The following LUZP1 variants were observed in gnomAD, a reference collection of about 807,000 sequenced individuals.
LUZP1 encodes leucine zipper protein 1.
In LUZP1, 25 loss-of-function variants were observed where a neutral mutation model predicts 71.3. The observed-to-expected ratio is 0.35, with a 90% CI of 0.26 to 0.49. The LOEUF is 0.49. LUZP1 is among the 20% of genes least tolerant of loss of function. The pLI, the probability that LUZP1 is intolerant of heterozygous loss-of-function variation, is 0.99. For missense variants in LUZP1, 1,142 were observed against 1,300.8 expected (o/e 0.88, Z 1.88); for synonymous variants, 481 against 506.4 (o/e 0.95, Z 0.67).
chr1:23,129,474 G>A (rs529910723), intron 2 of LUZP1, among the ~76,000 whole-genome samples: 98 of 152,256 alleles, frequency 6.4e-4, no homozygotes, highest in African/African-American at 2.2e-3. Flanking sequence ...CCAGCTACTT[G>A]GGAGGCTGAG....
chr1:23,096,142 AAAC>A (rs1282744152), intron 3 of LUZP1, among the ~76,000 whole-genome samples: 1 of 152,118 alleles, frequency 6.6e-6, no homozygotes, highest in African/African-American at 2.4e-5. Context: ...AAAAAAAAAA[AAAC>A]AGGAGAAAGG....
In LUZP1 at chr1:23,089,112, C is replaced by A. The variant is rs983261571; in HGVS notation, c.3073-59G>T. ...GGTCAGTAAAGTGAGGACCGAGACA[C>A]CCTCACCTGCTACCATAGTGGGTCC... On this transcript the variant is annotated intron_variant, in intron 4 of 4. Transcript: ENST00000302291. The A allele has an allele frequency of 4.6e-6, 7 of 1,533,236 alleles. No homozygotes were observed. The Admixed American group carries it at 1.2e-4, about 26-fold the overall frequency. 95.0% of individuals were successfully genotyped at this position (1,533,236 alleles called of 1,614,324 possible).
intron 3 of LUZP1, among the ~76,000 whole-genome samples, chr1:23,097,661 C>T (rs1308773886): frequency 2.0e-5 from 3 of 151,946 alleles, no homozygotes; most frequent in Admixed American, 6.6e-5. Flanking sequence ...AGTAAGATCC[C>T]GTCTCTATAA....
intron 3 of LUZP1, among the ~76,000 whole-genome samples, chr1:23,103,972 G>C (rs1332298287): frequency 1.3e-5 from 2 of 149,996 alleles, no homozygotes; most frequent in Non-Finnish European, 3.0e-5. Flanking sequence ...TGCTGTATTC[G>C]GGGAATTTAA....
At chr1:23,120,525 A>AT (rs1172218421) in intron 2 of LUZP1, among the ~76,000 whole-genome samples, 1 of 149,818 alleles carries the variant, frequency 6.7e-6, no homozygotes, top group Non-Finnish European at 1.5e-5. Context: ...AATTTTTTTT[A>AT]TTTTTATTTT....
At chr1:23,139,662 T>C (rs952651407) in intron 2 of LUZP1, among the ~76,000 whole-genome samples, 1 of 152,214 alleles carries the variant, frequency 6.6e-6, no homozygotes. Flanking sequence ...ACAGAAAATA[T>C]GTGGGTCTAA....
intron 2 of LUZP1, among the ~76,000 whole-genome samples, chr1:23,110,665 C>CACACACACACACACACACACA (rs1557647742): frequency 4.1e-4 from 63 of 151,920 alleles, no homozygotes; most frequent in Middle Eastern, 3.4e-3. Flanking sequence ...CACACACACA[C>CACACACACACACACACACACA]CCATCCCTGC....
chr1:23,110,885 G>C (rs1023072923), intron 2 of LUZP1, among the ~76,000 whole-genome samples: 4 of 151,926 alleles, frequency 2.6e-5, no homozygotes, highest in African/African-American at 9.7e-5. Context: ...TTCACACCTT[G>C]GCCTCCCAAA....
chr1:23,145,921 G>A (rs1225064239), intron 2 of LUZP1, among the ~76,000 whole-genome samples: 2 of 152,132 alleles, frequency 1.3e-5, no homozygotes, highest in African/African-American at 4.8e-5. Flanking sequence ...ATATACTTAT[G>A]TAATGAAAAT....
At chr1:23,160,664 G>T (rs1043321516) in intron 2 of LUZP1, among the ~76,000 whole-genome samples, 1 of 152,148 alleles carries the variant, frequency 6.6e-6, no homozygotes, top group African/African-American at 2.4e-5. Flanking sequence ...AAATATCATT[G>T]GTCATCAAAA....
chr1:23,115,064 T>C (rs1644067131), intron 2 of LUZP1, among the ~76,000 whole-genome samples: 3 of 152,240 alleles, frequency 2.0e-5, no homozygotes, highest in Non-Finnish European at 4.4e-5. Context: ...ATATAAATTA[T>C]TCAAACTTTT....
At position 23,135,887 on chromosome 1, in the gene LUZP1, A is replaced by G. The variant is rs145964054; in HGVS notation, c.-225-26760T>C. Reference sequence around the variant, plus strand: ...TAGTTGAGAAGCTGGTAAATTCTTGATATAACTCCTTAACCAGACTAACTT... The same window carrying G: ...TAGTTGAGAAGCTGGTAAATTCTTGGTATAACTCCTTAACCAGACTAACTT... On this transcript the variant is annotated intron_variant, in intron 2 of 4. Coordinates refer to ENST00000302291, the Ensembl canonical transcript of LUZP1. Among the ~76,000 whole-genome samples, 20 of 152,322 alleles carry G rather than the reference A, an allele frequency of 1.3e-4. No individual in the cohort carries two copies. The East Asian group carries it at 3.5e-3, about 26-fold the overall frequency.
At chr1:23,146,851 A>G (rs1466741253) in intron 2 of LUZP1, among the ~76,000 whole-genome samples, 1 of 152,044 alleles carries the variant, frequency 6.6e-6, no homozygotes, top group Non-Finnish European at 1.5e-5. Context: ...TAATCCCAGC[A>G]CTTTGGGAGG....
At chr1:23,153,291 A>T (rs950936733) in intron 2 of LUZP1, among the ~76,000 whole-genome samples, 1 of 152,170 alleles carries the variant, frequency 6.6e-6, no homozygotes. Flanking sequence ...TTTGCCCTTG[A>T]TTTGCTCTTG....
rs535208713 is a variant in LUZP1, at chr1:23,114,762, T to C, written c.-225-5635A>G. 2.6e-5 allele frequency among the ~76,000 whole-genome samples: 4 copies of C among 152,288 alleles called. No homozygotes were observed. In the South Asian group the frequency reaches 8.3e-4, roughly 32 times the overall value. On this transcript the variant is annotated intron_variant, in intron 2 of 4. Transcript: ENST00000302291. Reference sequence around the variant, plus strand: ...AGTAAGACAACGCACCCTCTAAGTGTAGAGAAACTTGGATGGGGAGTGAGA... The same window carrying C: ...AGTAAGACAACGCACCCTCTAAGTGCAGAGAAACTTGGATGGGGAGTGAGA...
exon 5 of LUZP1, chr1:23,089,020 A>C: frequency 6.2e-7 from 1 of 1,614,112 alleles, no homozygotes; most frequent in Non-Finnish European, 8.5e-7. Flanking sequence ...AGTTGCCTGT[A>C]GACACTGAGT....
chr1:23,089,241 C>T (rs899477780), intron 4 of LUZP1, among the ~76,000 whole-genome samples, 188 bp from the exon 4 acceptor site: 1 of 152,132 alleles, frequency 6.6e-6, no homozygotes, highest in African/African-American at 2.4e-5. Context: ...CCTTGGAAAT[C>T]GGCAGACTGG....
intron 2 of LUZP1, among the ~76,000 whole-genome samples, chr1:23,120,056 G>A (rs995094434): frequency 6.0e-5 from 9 of 150,826 alleles, no homozygotes; most frequent in Non-Finnish European, 1.2e-4. Context: ...AATCCTCCCC[G>A]CTCAGCTCCC....
chr1:23,101,235 G>A (rs533562313), intron 3 of LUZP1, among the ~76,000 whole-genome samples: 10 of 152,216 alleles, frequency 6.6e-5, no homozygotes, highest in African/African-American at 2.4e-4. Context: ...TTCCCTCAAT[G>A]TCCACACAAA....
Sources: gnomAD v4.1 joint callset for allele counts (sites outside exome capture counted in the v4.1 genomes callset) on GRCh38, gnomAD v4.1.1 for gene constraint, MANE v1.5 for transcripts, NCBI Gene and HGNC (gene_info 2026-07-23, HGNC 2026-07-21) for gene names.